The following RNLS variants were observed in gnomAD, a reference collection of about 807,000 sequenced individuals.
RNLS encodes renalase, FAD dependent amine oxidase, also known as renalase.
Under a neutral mutation model 39.8 loss-of-function variants are expected in RNLS, and 39 were observed. The ratio of observed to expected loss-of-function variants is 0.98; its 90% confidence interval spans 0.76 to 1.28. The LOEUF (loss-of-function observed/expected upper bound fraction) is 1.28. Ranked by LOEUF, RNLS falls within the 50% of genes most tolerant of loss-of-function variation. The probability of loss-of-function intolerance (pLI) is 0.00; values close to 1 mark genes in which losing one functional copy is unlikely to be tolerated. For synonymous variants in RNLS, 147 were observed against 150.7 expected (o/e 0.98, Z 0.18); for missense variants, 410 against 413.3 (o/e 0.99, Z 0.07).
At chr10:88,384,371 A>G (rs1360953194) in intron 4 of RNLS, among the ~76,000 whole-genome samples, 1 of 152,232 alleles carries the variant, frequency 6.6e-6, no homozygotes, top group Admixed American at 6.5e-5. Context: ...ACAATGATAT[A>G]GATAGTACTG....
At chr10:88,232,689 C>A in the RNLS span, among the ~76,000 whole-genome samples, 1 of 152,224 alleles carries the variant, frequency 6.6e-6, no homozygotes, top group Non-Finnish European at 1.5e-5. Context: ...GCCAGTCTGC[C>A]AGCCTGCTGC....
At chr10:88,352,831 C>G (rs141418889) in intron 5 of RNLS, among the ~76,000 whole-genome samples, 3 of 151,986 alleles carry the variant, frequency 2.0e-5, no homozygotes, top group Non-Finnish European at 4.4e-5. Flanking sequence ...GTCTGGTCCT[C>G]GACTTTTTTT....
intron 4 of RNLS, among the ~76,000 whole-genome samples, chr10:88,514,520 T>C (rs1271591321): frequency 2.0e-5 from 3 of 152,110 alleles, no homozygotes; most frequent in African/African-American, 4.8e-5. Flanking sequence ...CTAGAACTTA[T>C]TCATTTTGCA....
intron 6 of RNLS, among the ~76,000 whole-genome samples, chr10:88,311,104 G>C (rs1845346650): frequency 6.6e-6 from 1 of 152,114 alleles, no homozygotes; most frequent in Non-Finnish European, 1.5e-5. Context: ...AAGGAAAAGG[G>C]CCACTCACAT....
At chr10:88,290,780 T>C (rs1463043901) in intron 6 of RNLS, among the ~76,000 whole-genome samples, 6 of 152,210 alleles carry the variant, frequency 3.9e-5, no homozygotes, top group Non-Finnish European at 2.9e-5. Context: ...GTCTGTCCTC[T>C]GTGCTGTCTA....
At chr10:88,354,721 T>G (rs933894488) in intron 5 of RNLS, among the ~76,000 whole-genome samples, 4 of 152,332 alleles carry the variant, frequency 2.6e-5, no homozygotes, top group African/African-American at 9.6e-5. Context: ...ACAATTATCT[T>G]TGTGGCGTTC....
At chr10:88,181,583 C>T in the RNLS span, among the ~76,000 whole-genome samples, 4 of 152,100 alleles carry the variant, frequency 2.6e-5, no homozygotes, top group East Asian at 3.8e-4. Flanking sequence ...CCATGAACAT[C>T]GTTGTAGCTA....
intron 5 of RNLS, among the ~76,000 whole-genome samples, chr10:88,333,809 G>A (rs1203294525): frequency 6.6e-6 from 1 of 152,134 alleles, no homozygotes; most frequent in East Asian, 1.9e-4. Context: ...TCTTGAATGG[G>A]ACTAGTGACC....
the RNLS span, among the ~76,000 whole-genome samples, chr10:88,173,001 C>T: frequency 6.6e-6 from 1 of 151,256 alleles, no homozygotes; most frequent in African/African-American, 2.4e-5. Flanking sequence ...GGACTACAGG[C>T]ACCCACCACC....
chr10:88,501,049 A>G (rs555345109), intron 4 of RNLS, among the ~76,000 whole-genome samples: 1 of 151,868 alleles, frequency 6.6e-6, no homozygotes, highest in East Asian at 1.9e-4. Context: ...ATATATGTAC[A>G]CTAAACACCA....
At chr10:88,440,725 G>A (rs1215579740) in intron 4 of RNLS, among the ~76,000 whole-genome samples, 1 of 152,182 alleles carries the variant, frequency 6.6e-6, no homozygotes, top group Non-Finnish European at 1.5e-5. Context: ...TCCCAACTAG[G>A]CAATAAAAAT....
exon 7 of RNLS, chr10:88,274,781 T>C (rs1038330331): frequency 1.9e-5 from 9 of 473,284 alleles, no homozygotes; most frequent in African/African-American, 1.6e-4. Context: ...TTTTCCATAG[T>C]AGCTACATCA....
chr10:88,319,737 T>TA (rs1243099390), intron 5 of RNLS, among the ~76,000 whole-genome samples: 1 of 151,558 alleles, frequency 6.6e-6, no homozygotes, highest in Non-Finnish European at 1.5e-5. Context: ...CAGACAAAAA[T>TA]AAAAAAGAAT....
the RNLS span, among the ~76,000 whole-genome samples, chr10:88,245,427 C>T: frequency 7.2e-5 from 11 of 152,244 alleles, no homozygotes; most frequent in Admixed American, 3.9e-4. Flanking sequence ...AACAGAACCC[C>T]GGACCTTCCT....
chr10:88,352,872 TTCAG>T (rs1848836268), intron 5 of RNLS, among the ~76,000 whole-genome samples: 1 of 152,204 alleles, frequency 6.6e-6, no homozygotes. Flanking sequence ...TTGCCTCAAT[TTCAG>T]AGCCTGTTAT....
At chr10:88,510,365 T>C (rs141694413) in intron 4 of RNLS, among the ~76,000 whole-genome samples, 4 of 152,258 alleles carry the variant, frequency 2.6e-5, no homozygotes, top group Admixed American at 1.3e-4. Flanking sequence ...TTTGTTTAAA[T>C]TATTCAAATT....
At chr10:88,323,713 G>C (rs980061239) in intron 5 of RNLS, among the ~76,000 whole-genome samples, 9 of 152,062 alleles carry the variant, frequency 5.9e-5, no homozygotes. Context: ...ATATGACTAA[G>C]ACCTCAAGAG....
the RNLS span, among the ~76,000 whole-genome samples, chr10:88,187,178 A>AATATATATAAT: frequency 2.4e-4 from 30 of 127,422 alleles, 7 homozygotes; most frequent in Non-Finnish European, 3.0e-4. Flanking sequence ...ATATATATAT[A>AATATATATAAT]ATATATATAA....
At chr10:88,353,070 A>T (rs1485506931) in intron 5 of RNLS, among the ~76,000 whole-genome samples, 2 of 151,382 alleles carry the variant, frequency 1.3e-5, no homozygotes, top group Admixed American at 1.3e-4. Context: ...TTTTTATTGC[A>T]CCTATTTGAT....
Sources: allele counts gnomAD v4.1 joint callset (sites outside exome capture counted in the v4.1 genomes callset), GRCh38; gene constraint gnomAD v4.1.1; transcripts MANE v1.5; gene names NCBI Gene and HGNC (gene_info 2026-07-23, HGNC 2026-07-21).